SUCLG2: variants seen among roughly 807,000 people sequenced by gnomAD.
The protein encoded by SUCLG2 is succinate--CoA ligase [GDP-forming] subunit beta, mitochondrial.
In SUCLG2, 42 loss-of-function variants were observed where a neutral mutation model predicts 47.9. That is an observed-to-expected ratio of 0.88 (90% CI 0.69 to 1.14). The LOEUF (loss-of-function observed/expected upper bound fraction) is 1.14, where lower values mean the gene tolerates loss of function less well. Ranked by LOEUF, SUCLG2 falls within the 50% of genes most tolerant of loss-of-function variation. SUCLG2 has a pLI of 0.00. For missense variants in SUCLG2, 571 were observed against 525.9 expected, an observed-to-expected ratio of 1.09 and a Z score of -0.84; for synonymous variants, 195 against 197.3, an observed-to-expected ratio of 0.99 and a Z score of 0.10.
At chr3:67,625,858 G>A (rs1700816773) in intron 1 of SUCLG2, among the ~76,000 whole-genome samples, 1 of 151,866 alleles carries the variant, frequency 6.6e-6, no homozygotes, top group African/African-American at 2.4e-5. Flanking sequence ...TCTAAACCAA[G>A]CTGCTATATT....
At chr3:67,620,574 G>A in intron 1 of SUCLG2, among the ~76,000 whole-genome samples, 1 of 83,838 alleles carries the variant, frequency 1.2e-5, no homozygotes, top group Admixed American at 1.5e-4. Flanking sequence ...GACACAGTGA[G>A]ACTCCATCTC....
Position 67,374,804 on chromosome 3 carries a change from T to C in SUCLG2, c.*940A>G, listed in dbSNP as rs766202923. The C allele has an allele frequency of 2.5e-5, 25 of 981,420 alleles. No individual in the cohort carries two copies. The highest frequency in any genetic ancestry group is 3.0e-5 in the Non-Finnish European group (25 of 828,300). The allele number at this position is 981,420 out of a possible 1,614,324, so 60.8% of individuals were successfully genotyped here. On this transcript the variant is annotated 3_prime_UTR_variant, in exon 11 of 11. Coordinates refer to ENST00000307227, the MANE Select transcript of SUCLG2 (RefSeq NM_003848.4). ...AAACAAAAATTTTATCCAAATCCTTTCCCACAACAAAATTGGACATCATGG... is the reference window on the plus strand; with the variant it reads ...AAACAAAAATTTTATCCAAATCCTTCCCCACAACAAAATTGGACATCATGG...
chr3:67,603,690 A>C (rs1464028924), intron 2 of SUCLG2, among the ~76,000 whole-genome samples: 1 of 152,236 alleles, frequency 6.6e-6, no homozygotes, highest in African/African-American at 2.4e-5. Flanking sequence ...TGTGTGGAAT[A>C]ATTAATAAAT....
chr3:67,610,544 A>C (rs1456206348), intron 1 of SUCLG2, among the ~76,000 whole-genome samples: 1 of 152,156 alleles, frequency 6.6e-6, no homozygotes, highest in African/African-American at 2.4e-5. Context: ...GAATACACTT[A>C]ATGTAAACTC....
chr3:67,547,113 G>C (rs1214505962), intron 2 of SUCLG2, among the ~76,000 whole-genome samples: 2 of 152,166 alleles, frequency 1.3e-5, no homozygotes, highest in East Asian at 3.9e-4. Flanking sequence ...GTACTGGGAG[G>C]TGGGGGCAGA....
rs200741494 is a variant in SUCLG2, at chr3:67,491,369, T to A, written c.1062+4429A>T. On this transcript the variant is annotated intron_variant, in intron 9 of 10. Coordinates refer to ENST00000307227, the MANE Select transcript of SUCLG2 (RefSeq NM_003848.4). Reference sequence around the variant, plus strand: ...TATTTCTTTTTCTTTTACTTTTTTTTTTTTTTTTTTTCCAGACGAAGTCTC... The same window carrying A: ...TATTTCTTTTTCTTTTACTTTTTTTATTTTTTTTTTTCCAGACGAAGTCTC... Among the ~76,000 whole-genome samples, 3 of 145,890 alleles carry A rather than the reference T, an allele frequency of 2.1e-5. No individual in the cohort carries two copies. In the East Asian group the frequency reaches 6.3e-4, roughly 31 times the overall value.
rs148473552 is a variant in SUCLG2, at chr3:67,493,443, G to A, written c.1062+2355C>T. 4.5e-3 allele frequency among the ~76,000 whole-genome samples: 680 copies of A among 152,256 alleles called. 12 individuals carry two copies. In the East Asian group the frequency reaches 0.058, roughly 13 times the overall value. On this transcript the variant is annotated intron_variant, in intron 9 of 10. Coordinates refer to ENST00000307227, the MANE Select transcript of SUCLG2 (RefSeq NM_003848.4). ...TGAAATAATCCAAGCATTTGAAAAT[G>A]TTCCATAAAGTCAAAATTTTGGAAG... is the stretch of plus-strand genomic sequence containing the variant.
intron 10 of SUCLG2, among the ~76,000 whole-genome samples, chr3:67,397,699 C>A (rs1247147088): frequency 6.6e-6 from 1 of 152,162 alleles, no homozygotes; most frequent in Non-Finnish European, 1.5e-5. Context: ...CAAAAAAGAG[C>A]CAGCATTGCC....
chr3:67,570,841 C>A (rs1198532844), intron 2 of SUCLG2, among the ~76,000 whole-genome samples: 1 of 152,170 alleles, frequency 6.6e-6, no homozygotes, highest in Admixed American at 6.5e-5. Context: ...GATTTCATAT[C>A]TTTTCCCTGT....
intron 2 of SUCLG2, among the ~76,000 whole-genome samples, chr3:67,546,596 G>A (rs2772472): frequency 0.012 from 1,759 of 152,260 alleles, 35 homozygotes; most frequent in African/African-American, 0.04. Flanking sequence ...TTAGCCGGGC[G>A]TGGTAGCACA....
chr3:67,361,616 G>A (rs753975739), intron 10 of SUCLG2, among the ~76,000 whole-genome samples: 13 of 152,166 alleles, frequency 8.5e-5, no homozygotes, highest in Non-Finnish European at 1.8e-4. Context: ...AGCCTGCAGC[G>A]ACTAAAATGG....
chr3:67,482,884 A>G (rs754275084), intron 9 of SUCLG2, among the ~76,000 whole-genome samples: 1 of 152,242 alleles, frequency 6.6e-6, no homozygotes, highest in Non-Finnish European at 1.5e-5. Flanking sequence ...TTTCAGTATT[A>G]GAGCAGACAC....
chr3:67,480,051 G>A (rs370075836), intron 9 of SUCLG2, among the ~76,000 whole-genome samples: 7 of 152,136 alleles, frequency 4.6e-5, no homozygotes, highest in East Asian at 1.9e-4. Flanking sequence ...GTTATAAAGC[G>A]TATGGGGAAG....
At chr3:67,482,537 T>C (rs891962398) in intron 9 of SUCLG2, among the ~76,000 whole-genome samples, 12 of 152,228 alleles carry the variant, frequency 7.9e-5, no homozygotes, top group Non-Finnish European at 1.8e-4. Context: ...TCTTTGGAAT[T>C]TGGTCAGCAC....
chr3:67,369,373 G>T (rs1246591472), intron 10 of SUCLG2, among the ~76,000 whole-genome samples: 1 of 152,202 alleles, frequency 6.6e-6, no homozygotes, highest in East Asian at 1.9e-4. Context: ...ATGCCATGTT[G>T]TTTCTGTTTC....
rs148943214 is a variant in SUCLG2 at position 67,520,573 on chromosome 3, C to T, written c.479G>A (p.Arg160Gln). 234 of 1,614,116 alleles carry T rather than the reference C, an allele frequency of 1.4e-4. 1 individual carries two copies. In the East Asian group the frequency reaches 2.9e-3, roughly 20 times the overall value. ...CACCAGCACGGGGCCATTGCAGGAC[C>T]GGTCCATCAGAATTGCCAGGTAGGT... Reference protein sequence around the residue: ...RETYLAILMDRSCNGPVLVGS... With the variant: ...RETYLAILMDQSCNGPVLVGS... Residue 160 changes from arginine to glutamine, a missense_variant, in exon 5 of 11, where the codon CGG becomes CAG. Arg to Gln is a conservative substitution (Grantham distance 43). Coordinates refer to ENST00000307227, the MANE Select transcript of SUCLG2 (RefSeq NM_003848.4).
At chr3:67,611,528 C>T (rs1171532503) in intron 1 of SUCLG2, among the ~76,000 whole-genome samples, 2 of 151,978 alleles carry the variant, frequency 1.3e-5, no homozygotes, top group Non-Finnish European at 2.9e-5. Flanking sequence ...GCGAAAAAGC[C>T]CCTTAGTGAA....
intron 9 of SUCLG2, among the ~76,000 whole-genome samples, chr3:67,470,029 G>C (rs1161279127): frequency 7.2e-6 from 1 of 138,110 alleles, no homozygotes; most frequent in Non-Finnish European, 1.5e-5. Context: ...TGGGCAACAA[G>C]AGTGAAACTC....
intron 7 of SUCLG2, among the ~76,000 whole-genome samples, chr3:67,501,023 G>C (rs948730295): frequency 6.6e-6 from 1 of 152,156 alleles, no homozygotes; most frequent in African/African-American, 2.4e-5. Flanking sequence ...TCTCTCCAGG[G>C]AACAATCTTG....
Sources: allele counts gnomAD v4.1 joint callset (sites outside exome capture counted in the v4.1 genomes callset), GRCh38; gene constraint gnomAD v4.1.1; transcripts MANE v1.5; gene names NCBI Gene and HGNC (gene_info 2026-07-23, HGNC 2026-07-21).